Variants in KLHDC10 observed in about 807,000 individuals in gnomAD.
KLHDC10 encodes kelch domain containing 10, also known as kelch domain-containing protein 10.
Under a neutral mutation model 56.1 loss-of-function variants are expected in KLHDC10, and 24 were observed. That is an observed-to-expected ratio of 0.43 (90% confidence interval 0.31 to 0.60). KLHDC10 has a LOEUF of 0.60. Among genes scored for constraint, KLHDC10 ranks in the 20% least tolerant of loss-of-function variants. The pLI, the probability that KLHDC10 is intolerant of heterozygous loss-of-function variation, is 0.11. For missense variants in KLHDC10, 349 were observed against 567.0 expected (o/e 0.62, Z 3.91); for synonymous variants, 188 against 207.1 (o/e 0.91, Z 0.79).
At chr7:130,100,263 G>C (rs984842979) in intron 2 of KLHDC10, among the ~76,000 whole-genome samples, 3 of 152,142 alleles carry the variant, frequency 2.0e-5, no homozygotes, top group African/African-American at 7.2e-5. Flanking sequence ...CAGTCCAAGA[G>C]TATTTCCAGG....
intron 5 of KLHDC10, among the ~76,000 whole-genome samples, chr7:130,122,450 C>T (rs566524030): frequency 6.6e-6 from 1 of 152,286 alleles, no homozygotes; most frequent in Non-Finnish European, 1.5e-5. Flanking sequence ...TTTAGTCTCT[C>T]TGCATTAGGA....
At chr7:130,074,786 T>G (rs1024556610) in intron 1 of KLHDC10, among the ~76,000 whole-genome samples, 1 of 152,118 alleles carries the variant, frequency 6.6e-6, no homozygotes, top group Non-Finnish European at 1.5e-5. Context: ...ACTTTTTGTA[T>G]TTTTAGTAGA....
chr7:130,128,889 A>AAAAAAAAAAAATATATATATATAT, intron 8 of KLHDC10, among the ~76,000 whole-genome samples: 10 of 66,948 alleles, frequency 1.5e-4, no homozygotes, highest in Non-Finnish European at 2.8e-4. Context: ...AAAAAAAAAA[A>AAAAAAAAAAAATATATATATATAT]ATATATATAT....
intron 1 of KLHDC10, among the ~76,000 whole-genome samples, chr7:130,096,286 T>C (rs1182093040): frequency 1.3e-5 from 2 of 152,198 alleles, no homozygotes; most frequent in African/African-American, 4.8e-5. Context: ...TATTCTATTT[T>C]ATAAGAAAAC....
intron 1 of KLHDC10, among the ~76,000 whole-genome samples, chr7:130,093,243 C>T (rs949284527): frequency 4.6e-5 from 7 of 152,082 alleles, no homozygotes; most frequent in Admixed American, 4.6e-4. Context: ...CTTACTCTGT[C>T]GCCCAGGCTG....
chr7:130,125,544 A>AG (rs1308154406), intron 6 of KLHDC10, among the ~76,000 whole-genome samples: 4 of 151,572 alleles, frequency 2.6e-5, no homozygotes, highest in African/African-American at 9.7e-5. Flanking sequence ...CTCCATCTCA[A>AG]AAAAATATAA....
intron 7 of KLHDC10, 45 bp downstream of exon 7, chr7:130,125,976 T>G: frequency 7.5e-7 from 1 of 1,338,314 alleles, no homozygotes. Context: ...AAACATGTAT[T>G]ATACTTTTAC....
intron 2 of KLHDC10, among the ~76,000 whole-genome samples, chr7:130,109,000 C>T (rs893748157): frequency 4.6e-5 from 7 of 152,058 alleles, no homozygotes; most frequent in African/African-American, 1.7e-4. Flanking sequence ...CTGCAGCCTC[C>T]GCCTCCGGGG....
intron 1 of KLHDC10, among the ~76,000 whole-genome samples, chr7:130,091,417 G>A (rs2116862597): frequency 6.6e-6 from 1 of 152,256 alleles, no homozygotes; most frequent in South Asian, 2.1e-4. Context: ...AATCAGAACT[G>A]ACTTCTTACA....
At chr7:130,109,441 C>G (rs371177369) in intron 2 of KLHDC10, among the ~76,000 whole-genome samples, 61 of 152,014 alleles carry the variant, frequency 4.0e-4, no homozygotes, top group African/African-American at 1.4e-3. Flanking sequence ...TGCCATATCT[C>G]TTTATGTCTG....
chr7:130,114,569 T>G (rs997321623), intron 2 of KLHDC10, among the ~76,000 whole-genome samples: 2 of 152,190 alleles, frequency 1.3e-5, no homozygotes, highest in African/African-American at 4.8e-5. Flanking sequence ...TTATTTTTTC[T>G]TCCACACCAC....
chr7:130,084,606 C>T (rs553186053), intron 1 of KLHDC10, among the ~76,000 whole-genome samples: 24 of 151,990 alleles, frequency 1.6e-4, no homozygotes, highest in African/African-American at 5.8e-4. Context: ...GGCGAAACCC[C>T]GTCTCTACTA....
intron 2 of KLHDC10, among the ~76,000 whole-genome samples, chr7:130,101,554 C>T (rs527818838): frequency 6.6e-6 from 1 of 152,146 alleles, no homozygotes; most frequent in Non-Finnish European, 1.5e-5. Flanking sequence ...CTCCTTCTCT[C>T]CCTTCACATA....
At chr7:130,114,824 AG>A (rs1435243508) in intron 2 of KLHDC10, among the ~76,000 whole-genome samples, 1 of 151,972 alleles carries the variant, frequency 6.6e-6, no homozygotes, top group Non-Finnish European at 1.5e-5. Context: ...ATTGATGGGT[AG>A]GTAGGTAGAC....
At chr7:130,106,669 A>G (rs1796011795) in intron 2 of KLHDC10, among the ~76,000 whole-genome samples, 1 of 152,156 alleles carries the variant, frequency 6.6e-6, no homozygotes, top group Non-Finnish European at 1.5e-5. Flanking sequence ...GCTTTTCTGT[A>G]TGTTACATTT....
At chr7:130,094,874 C>T (rs1276774862) in intron 1 of KLHDC10, 1 of 152,078 alleles carries the variant, frequency 6.6e-6, no homozygotes, top group African/African-American at 2.4e-5. Flanking sequence ...TCTTTCCATG[C>T]ATCTATGATT....
At position 130,134,712 on chromosome 7, in the gene KLHDC10, C is replaced by T. The variant is rs1480414979; in HGVS notation, c.*3966C>T. 6.6e-6 allele frequency: 1 copy of T among 152,046 alleles called. No individual in the cohort carries two copies. Among genetic ancestry groups the T allele is most frequent in the Non-Finnish European group, 1.5e-5 (1 of 68,010 alleles). The allele number at this position is 152,046 out of a possible 1,614,324, so 9.4% of individuals were successfully genotyped here. On this transcript the variant is annotated 3_prime_UTR_variant, in exon 10 of 10. Coordinates refer to ENST00000335420, the MANE Select transcript of KLHDC10 (RefSeq NM_014997.4). ...TCTACCTGCCAGCATTCTGATATAG[C>T]ACAAAAAGCTATTTTCCTTTATTTT...
intron 7 of KLHDC10, 71 bp from the exon 8 acceptor site, chr7:130,127,333 A>G (rs937731441): frequency 1.6e-6 from 2 of 1,227,710 alleles, no homozygotes; most frequent in Non-Finnish European, 2.4e-6. Flanking sequence ...TGTGTCTTTC[A>G]CTGTGTTATA....
At chr7:130,108,441 G>A (rs539273250) in intron 2 of KLHDC10, among the ~76,000 whole-genome samples, 1 of 151,372 alleles carries the variant, frequency 6.6e-6, no homozygotes, top group Admixed American at 6.6e-5. Context: ...GGTGGCTCAC[G>A]CCTGTAATCC....
Sources: allele counts gnomAD v4.1 joint callset (sites outside exome capture counted in the v4.1 genomes callset), GRCh38; gene constraint gnomAD v4.1.1; transcripts MANE v1.5; gene names NCBI Gene and HGNC (gene_info 2026-07-23, HGNC 2026-07-21).